USH2A: variants seen among roughly 807,000 people sequenced by gnomAD.
USH2A encodes the protein usherin, also known as Usher syndrome 2A (autosomal recessive, mild).
A neutral mutation model predicts 538.9 loss-of-function variants in USH2A; 443 were observed. The observed-to-expected ratio is 0.82, with a 90% CI of 0.76 to 0.89. USH2A has a LOEUF of 0.89. USH2A is among the 40% of genes least tolerant of loss of function. The pLI, the probability that USH2A is intolerant of heterozygous loss-of-function variation, is 0.00. For synonymous variants in USH2A, 2,413 were observed against 2,273.5 expected (o/e 1.06, Z -1.75); for missense variants, 6,633 against 6,324.8 (o/e 1.05, Z -1.65).
chr1:216,052,108 C>A (rs2030806589), intron 30 of USH2A, among the ~76,000 whole-genome samples: 1 of 152,124 alleles, frequency 6.6e-6, no homozygotes, highest in Non-Finnish European at 1.5e-5. Context: ...ATTTTAGCCA[C>A]TCCTTATTTT....
In USH2A at chr1:216,217,595, T is replaced by G. The variant is rs186480631; in HGVS notation, c.2994-45A>C. 1.4e-4 allele frequency: 227 copies of G among 1,605,252 alleles called. 1 individual carries two copies. The African/African-American group carries it at 2.8e-3, about 20-fold the overall frequency. Reference sequence around the variant, plus strand: ...ACCATCAAAGAGAATAGTGTTTTGATTAATAATTCATAGTATAAGTTACAC... The same window carrying G: ...ACCATCAAAGAGAATAGTGTTTTGAGTAATAATTCATAGTATAAGTTACAC... On this transcript the variant is annotated intron_variant, in intron 14 of 71. Transcript: ENST00000307340.
At chr1:216,361,867 A>G (rs1376732989) in intron 4 of USH2A, among the ~76,000 whole-genome samples, 3 of 152,228 alleles carry the variant, frequency 2.0e-5, no homozygotes, top group African/African-American at 7.2e-5. Context: ...CTAAGCAAAA[A>G]GAACACAAAA....
intron 11 of USH2A, among the ~76,000 whole-genome samples, chr1:216,286,272 A>C (rs141297559): frequency 6.6e-6 from 1 of 152,128 alleles, no homozygotes; most frequent in African/African-American, 2.4e-5. Flanking sequence ...ATGATAGTGA[A>C]TTAGTTCTCA....
intron 35 of USH2A, among the ~76,000 whole-genome samples, chr1:215,987,622 T>C (rs1411503219): frequency 6.6e-6 from 1 of 152,222 alleles, no homozygotes; most frequent in East Asian, 1.9e-4. Context: ...AATCAAGTGA[T>C]AATGACTCAG....
At chr1:215,844,076 CCAT>C (rs1663772009) in intron 46 of USH2A, among the ~76,000 whole-genome samples, 1 of 152,104 alleles carries the variant, frequency 6.6e-6, no homozygotes, top group African/African-American at 2.4e-5. Flanking sequence ...ATCCTCATCA[CCAT>C]CGTTTTCCAT....
intron 36 of USH2A, among the ~76,000 whole-genome samples, chr1:215,970,369 A>G (rs909644752): frequency 2.0e-5 from 3 of 152,192 alleles, no homozygotes; most frequent in African/African-American, 4.8e-5. Flanking sequence ...ATGTTTGCCT[A>G]CTACACTAGC....
intron 21 of USH2A, among the ~76,000 whole-genome samples, chr1:216,125,202 C>T (rs1365124606): frequency 2.7e-5 from 4 of 150,436 alleles, no homozygotes; most frequent in East Asian, 4.0e-4. Context: ...ACTGTCTCTC[C>T]TTTTGTTATC....
chr1:216,083,264 TA>T (rs1423880127), intron 26 of USH2A, 191 bp downstream of exon 26: 8 of 531,048 alleles, frequency 1.5e-5, no homozygotes, highest in Non-Finnish European at 2.3e-5. Flanking sequence ...ATTGTCATCT[TA>T]AAAAATTACT....
At chr1:216,403,991 G>T (rs949099976) in intron 3 of USH2A, among the ~76,000 whole-genome samples, 3 of 152,130 alleles carry the variant, frequency 2.0e-5, no homozygotes, top group Non-Finnish European at 4.4e-5. Context: ...CTTCCACCAT[G>T]ATTGTAAGTT....
chr1:216,381,544 A>G (rs2102733992), intron 3 of USH2A, among the ~76,000 whole-genome samples: 1 of 152,312 alleles, frequency 6.6e-6, no homozygotes, highest in South Asian at 2.1e-4. Flanking sequence ...GAACAATCAG[A>G]AATGTATTGC....
At chr1:216,053,210 G>A (rs972495085) in intron 30 of USH2A, among the ~76,000 whole-genome samples, 1 of 152,050 alleles carries the variant, frequency 6.6e-6, no homozygotes, top group Non-Finnish European at 1.5e-5. Context: ...AAGATAATAG[G>A]AAGCCTAAAT....
chr1:216,202,984 A>G (rs1013003881), intron 16 of USH2A, among the ~76,000 whole-genome samples: 6 of 152,232 alleles, frequency 3.9e-5, no homozygotes, highest in African/African-American at 1.4e-4. Flanking sequence ...CCCACTCAGT[A>G]AGGAGAACTA....
At chr1:215,772,464 A>G (rs1661318960) in intron 55 of USH2A, among the ~76,000 whole-genome samples, 1 of 152,232 alleles carries the variant, frequency 6.6e-6, no homozygotes. Flanking sequence ...CCCTACAGGG[A>G]ATCATGTTCT....
At chr1:216,406,563 G>T (rs1256944101) in intron 3 of USH2A, among the ~76,000 whole-genome samples, 3 of 152,082 alleles carry the variant, frequency 2.0e-5, no homozygotes, top group Non-Finnish European at 4.4e-5. Context: ...TCCAAGTTCG[G>T]TACTCCCCAG....
At chr1:216,035,344 T>C (rs941215315) in intron 32 of USH2A, among the ~76,000 whole-genome samples, 1 of 152,142 alleles carries the variant, frequency 6.6e-6, no homozygotes, top group Non-Finnish European at 1.5e-5. Flanking sequence ...GAAAACATTA[T>C]GTGAAGATGA....
intron 21 of USH2A, among the ~76,000 whole-genome samples, chr1:216,108,307 T>C (rs889941353): frequency 1.3e-5 from 2 of 151,982 alleles, no homozygotes; most frequent in African/African-American, 4.8e-5. Flanking sequence ...TCAATTATTT[T>C]TGATGAAATG....
chr1:215,747,890 G>GTTT (rs1553258116), intron 58 of USH2A, among the ~76,000 whole-genome samples: 44 of 91,226 alleles, frequency 4.8e-4, no homozygotes, highest in Middle Eastern at 5.7e-3. Context: ...TTGTTTGTTT[G>GTTT]GTTTTTTTTT....
rs372742493 is a variant in USH2A, at chr1:216,276,893, G to A, written c.1971+12387C>T. ...TGCTCCCACAACACGTGGGAATTATGGGAGCTATTAGATGAGATTTGGGTA... is the reference window on the plus strand; with the variant it reads ...TGCTCCCACAACACGTGGGAATTATAGGAGCTATTAGATGAGATTTGGGTA... On this transcript the variant is annotated intron_variant, in intron 11 of 71. Coordinates refer to ENST00000307340, the MANE Select transcript of USH2A (RefSeq NM_206933.4). 1.8e-4 allele frequency among the ~76,000 whole-genome samples: 27 copies of A among 152,178 alleles called. No individual in the cohort carries two copies. The East Asian group carries it at 2.3e-3, about 13-fold the overall frequency.
chr1:216,394,772 G>A (rs530830380), intron 3 of USH2A, among the ~76,000 whole-genome samples: 37 of 127,740 alleles, frequency 2.9e-4, no homozygotes, highest in Non-Finnish European at 4.5e-4. Flanking sequence ...AGGCTGGAGT[G>A]CAGTGGCGCG....
Sources: gnomAD v4.1 joint callset for allele counts (sites outside exome capture counted in the v4.1 genomes callset) on GRCh38, gnomAD v4.1.1 for gene constraint, MANE v1.5 for transcripts, NCBI Gene and HGNC (gene_info 2026-07-23, HGNC 2026-07-21) for gene names.